RFX1: variants seen among roughly 807,000 people sequenced by gnomAD.
The protein encoded by RFX1 is regulatory factor X1.
RFX1 carries 42 observed loss-of-function variants against 119.6 expected under a neutral mutation model. The ratio of observed to expected loss-of-function variants is 0.35; its 90% CI spans 0.27 to 0.45. RFX1 has a LOEUF of 0.45. Ranked by LOEUF, RFX1 falls within the 20% of genes least tolerant of loss-of-function variation. RFX1 has a pLI of 1.00. For synonymous variants in RFX1, 628 were observed against 618.5 expected (o/e 1.02, Z -0.23); for missense variants, 1,118 against 1,368.1 (o/e 0.82, Z 2.88).
chr19:13,983,059 G>T, intron 4 of RFX1, 128 bp downstream of exon 4: 1 of 705,118 alleles, frequency 1.4e-6, no homozygotes, highest in Non-Finnish European at 2.4e-6. Context: ...GAGCCAGGAG[G>T]TAGGGCAGCC....
At position 13,983,528 on chromosome 19, in the gene RFX1, G is replaced by C. The variant is rs748902036; in HGVS notation, c.387C>G (p.Gly129=). ...CCTGCTGAACCACCTGAGTAGGAAC[G>C]CCGGTCTGGCTGGCGGTGGAGCCGG... ...ASPGSTASQT[G]VPTQVVQQVQ... is the part of the protein sequence containing the mutation. The change falls in exon 3 of 21, where the codon GGC becomes GGG. Residue 129 remains glycine (G), a synonymous_variant. Transcript: ENST00000254325. The C allele has an allele frequency of 6.2e-7, 1 of 1,611,714 alleles. No homozygotes were observed. Among genetic ancestry groups the C allele is most frequent in the Non-Finnish European group, 8.5e-7 (1 of 1,179,608 alleles).
At chr19:13,992,382 C>T (rs1429286440) in intron 2 of RFX1, among the ~76,000 whole-genome samples, 1 of 152,210 alleles carries the variant, frequency 6.6e-6, no homozygotes, top group Admixed American at 6.5e-5. Flanking sequence ...AGACCCTAAA[C>T]CAGTCAAAAC....
chr19:14,002,831 G>A (rs533079794), intron 1 of RFX1, among the ~76,000 whole-genome samples: 1 of 152,310 alleles, frequency 6.6e-6, no homozygotes, highest in East Asian at 1.9e-4. Flanking sequence ...CCTTCCCTGA[G>A]ATGCTCAGGT....
At position 13,990,025 on chromosome 19, in the gene RFX1, G is replaced by A. The variant is rs2145612300; in HGVS notation, c.319+3500C>T. ...GAATTCAATGTGGCTGCACTGGCCT[G>A]CATCAAATTCAACACCAAGTGGATG... On this transcript the variant is annotated intron_variant, in intron 2 of 20. Coordinates refer to ENST00000254325, the MANE Select transcript of RFX1 (RefSeq NM_002918.5). The surrounding 1 kb of genome is among the most constrained non-coding windows in gnomAD (Gnocchi z 4.1). Among the ~76,000 whole-genome samples, 1 of 152,272 alleles carries A rather than the reference G, an allele frequency of 6.6e-6. No individual in the cohort carries two copies. The highest frequency in any genetic ancestry group is 1.9e-4 in the East Asian group (1 of 5,184).
chr19:13,993,457 C>T (rs1268331793), intron 2 of RFX1, 68 bp downstream of exon 2: 1 of 1,473,308 alleles, frequency 6.8e-7, no homozygotes. Context: ...TGTGCCTTCA[C>T]ACCCAGGGTC....
At chr19:14,002,911 A>G (rs1178634912) in intron 1 of RFX1, among the ~76,000 whole-genome samples, 1 of 152,170 alleles carries the variant, frequency 6.6e-6, no homozygotes, top group Admixed American at 6.6e-5. Flanking sequence ...CCGTTCCCAC[A>G]ATGTCCACAT....
At position 13,968,436 on chromosome 19, in the gene RFX1, C is replaced by G. The variant is rs1252395252; in HGVS notation, c.1732+129G>C. 2.8e-6 allele frequency: 2 copies of G among 720,162 alleles called. No homozygotes were observed. Among genetic ancestry groups the G allele is most frequent in the African/African-American group, 3.5e-5 (2 of 57,936 alleles). 44.6% of individuals were successfully genotyped at this position (720,162 alleles called of 1,614,324 possible). A position where few individuals can be genotyped will look rare whatever the true frequency, so the allele number is the denominator to read the frequency against. On this transcript the variant is annotated intron_variant, in intron 12 of 20. Transcript: ENST00000254325. The surrounding 1 kb of genome is among the most constrained non-coding windows in gnomAD (Gnocchi z 5.5). ...ACTGTGATGTCTCCCCCACCCCCTGCTGGTTCTCGGGCATCTCTCACCAAG... is the reference window on the plus strand; with the variant it reads ...ACTGTGATGTCTCCCCCACCCCCTGGTGGTTCTCGGGCATCTCTCACCAAG...
chr19:13,981,430 T>C (rs962799568), intron 5 of RFX1, among the ~76,000 whole-genome samples: 1 of 152,226 alleles, frequency 6.6e-6, no homozygotes, highest in Non-Finnish European at 1.5e-5. Flanking sequence ...ACCCCATCTC[T>C]ACTAAAAATA....
chr19:13,976,927 C>T (rs1317840395), intron 8 of RFX1, among the ~76,000 whole-genome samples: 1 of 151,748 alleles, frequency 6.6e-6, no homozygotes, highest in East Asian at 1.9e-4. Flanking sequence ...TGCTTGAGCC[C>T]GTGAGCTGCA....
Position 13,966,783 on chromosome 19 carries a change from C to A in RFX1, c.1733-32G>T, listed in dbSNP as rs745388115. 4 of 1,480,958 alleles carry A rather than the reference C, an allele frequency of 2.7e-6. No individual in the cohort carries two copies. In the East Asian group the frequency reaches 9.1e-5, roughly 34 times the overall value. 91.7% of individuals were successfully genotyped at this position (1,480,958 alleles called of 1,614,324 possible). On this transcript the variant is annotated intron_variant, in intron 12 of 20. Transcript: ENST00000254325. The surrounding 1 kb of genome is among the most constrained non-coding windows in gnomAD (Gnocchi z 6.3). Reference sequence around the variant, plus strand: ...GGCCGGGGGGAACCGTGAGGCCCTTCATCCCCCTTGCCTGCCCACCCTGGG... The same window carrying A: ...GGCCGGGGGGAACCGTGAGGCCCTTAATCCCCCTTGCCTGCCCACCCTGGG...
At chr19:13,976,804 G>T (rs1367764167) in intron 8 of RFX1, among the ~76,000 whole-genome samples, 1 of 152,012 alleles carries the variant, frequency 6.6e-6, no homozygotes, top group African/African-American at 2.4e-5. Flanking sequence ...AGTTCGAGGA[G>T]ATGAGCCTGG....
chr19:13,968,486 G>T lies in RFX1; in HGVS notation c.1732+79C>A. 1 of 1,190,926 alleles carries T rather than the reference G, an allele frequency of 8.4e-7. No homozygotes were observed. The highest frequency in any genetic ancestry group is 1.2e-6 in the Non-Finnish European group (1 of 801,604). 73.8% of individuals were successfully genotyped at this position (1,190,926 alleles called of 1,614,324 possible). ...GCCCTCCCCAGCTCAGAGGCTGCCTGCCGCCATCCAGCTTTGGGAACCGTC... is the reference window on the plus strand; with the variant it reads ...GCCCTCCCCAGCTCAGAGGCTGCCTTCCGCCATCCAGCTTTGGGAACCGTC... On this transcript the variant is annotated intron_variant, in intron 12 of 20. Coordinates refer to ENST00000254325, the MANE Select transcript of RFX1 (RefSeq NM_002918.5). The surrounding 1 kb of genome is among the most constrained non-coding windows in gnomAD (Gnocchi z 5.5).
intron 8 of RFX1, among the ~76,000 whole-genome samples, chr19:13,974,613 G>A (rs1392093353): frequency 2.6e-5 from 4 of 152,216 alleles, no homozygotes; most frequent in Non-Finnish European, 5.9e-5. Flanking sequence ...TGCGTTGCAT[G>A]TGGCATGCGT....
At chr19:13,978,872 G>A (rs992238019) in intron 7 of RFX1, among the ~76,000 whole-genome samples, 8 of 152,098 alleles carry the variant, frequency 5.3e-5, no homozygotes, top group African/African-American at 9.7e-5. Context: ...ACTTTCTGCT[G>A]CGGCAGGAGC....
intron 1 of RFX1, among the ~76,000 whole-genome samples, chr19:13,994,962 T>C (rs1974960018): frequency 7.4e-6 from 1 of 135,300 alleles, no homozygotes; most frequent in Non-Finnish European, 1.6e-5. Flanking sequence ...GAGATGGGAG[T>C]CTCATTATCA....
At position 13,975,043 on chromosome 19, in the gene RFX1, C is replaced by CAAA. The variant is rs60183087; in HGVS notation, c.930-1919_930-1917dup. Among the ~76,000 whole-genome samples the CAAA allele has an allele frequency of 7.6e-3, 244 of 32,132 alleles. 1 individual carries two copies. Among genetic ancestry groups the CAAA allele is most frequent in the Middle Eastern group, 0.058 (3 of 52 alleles). 21.1% of individuals were successfully genotyped at this position (32,132 alleles called of 152,430 possible). A position where few individuals can be genotyped will look rare whatever the true frequency, so the allele number is the denominator to read the frequency against. ...TGGGTGACAGAGTGAAACTCCACCT[C>CAAA]AAAAAAAAAAAAAAAAAGGGAGGGG... On this transcript the variant is annotated intron_variant, in intron 8 of 20. Coordinates refer to ENST00000254325, the MANE Select transcript of RFX1 (RefSeq NM_002918.5).
rs757006459 is a variant in RFX1 at position 13,993,683 on chromosome 19, T to C, written c.161A>G (p.Tyr54Cys). ...CTGGGGGCTCTGCAGCTCGGTGACATATTGGGGCTGAGGGGTGGCAGCAGC... is the reference window on the plus strand; with the variant it reads ...CTGGGGGCTCTGCAGCTCGGTGACACATTGGGGCTGAGGGGTGGCAGCAGC... The part of the protein sequence containing the change: ...PTAAATPQPQ[Y>C]VTELQSPQPQ... The change falls in exon 2 of 21, where the codon TAT becomes TGT. Residue 54 changes from tyrosine to cysteine, a missense_variant. Coordinates refer to ENST00000254325, the MANE Select transcript of RFX1 (RefSeq NM_002918.5). 1.5e-5 allele frequency: 24 copies of C among 1,585,836 alleles called. No homozygotes were observed. In the Admixed American group the frequency reaches 4.3e-4, roughly 28 times the overall value.
In RFX1 at chr19:13,965,801, G is replaced by C. The variant is rs1392029091; in HGVS notation, c.1962-24C>G. The C allele has an allele frequency of 6.2e-7, 1 of 1,611,268 alleles. No individual in the cohort carries two copies. The highest frequency in any genetic ancestry group is 1.7e-5 in the Admixed American group (1 of 59,970). On this transcript the variant is annotated intron_variant, in intron 14 of 20. Coordinates refer to ENST00000254325, the MANE Select transcript of RFX1 (RefSeq NM_002918.5). This position sits in a 1 kb window ranked among gnomAD's most constrained non-coding sequence, Gnocchi z 4.7. ...GTCTGCGGGCACCCACCCCACCCCG[G>C]GTCACTGGGGTACTCTATGGTCCTG...
At position 13,968,937 on chromosome 19, in the gene RFX1, C is replaced by T. The variant is rs538816758; in HGVS notation, c.1497-43G>A. ...GGGAAGGGCTGGGCTGGGGGTCTGC[C>T]GGCTGGCCGGCCATGGAGCACCTCA... On this transcript the variant is annotated intron_variant, in intron 10 of 20. Transcript: ENST00000254325. The surrounding 1 kb of genome is among the most constrained non-coding windows in gnomAD (Gnocchi z 5.5). 48 of 1,535,978 alleles carry T rather than the reference C, an allele frequency of 3.1e-5. No homozygotes were observed. Among genetic ancestry groups the T allele is most frequent in the East Asian group, 1.2e-4 (5 of 40,778 alleles).
Sources: gnomAD v4.1 joint callset for allele counts (sites outside exome capture counted in the v4.1 genomes callset) on GRCh38, gnomAD v4.1.1 for gene constraint, Gnocchi (gnomAD v3.1) non-coding constraint, MANE v1.5 for transcripts, NCBI Gene and HGNC (gene_info 2026-07-23, HGNC 2026-07-21) for gene names.